The following TTLL11 variants were observed in gnomAD, a reference collection of about 807,000 sequenced individuals.
TTLL11 encodes tubulin polyglutamylase TTLL11.
In TTLL11, 42 loss-of-function variants were observed where a neutral mutation model predicts 51.7. The ratio of observed to expected loss-of-function variants is 0.81; its 90% CI spans 0.64 to 1.05. The LOEUF (loss-of-function observed/expected upper bound fraction) is 1.05. Among genes scored for constraint, TTLL11 ranks in the 50% least tolerant of loss-of-function variants. The pLI is 0.00. For synonymous variants in TTLL11, 381 were observed against 383.5 expected (o/e 0.99, Z 0.08); for missense variants, 799 against 940.4 (o/e 0.85, Z 1.97).
intron 6 of TTLL11, among the ~76,000 whole-genome samples, chr9:121,896,846 C>T (rs556201429): frequency 1.3e-5 from 2 of 152,274 alleles, no homozygotes; most frequent in Admixed American, 6.5e-5. Flanking sequence ...GGCCATCCCA[C>T]GCCAAAAGAA....
intron 6 of TTLL11, among the ~76,000 whole-genome samples, chr9:121,967,461 G>A (rs1308920581): frequency 1.3e-5 from 2 of 152,096 alleles, no homozygotes; most frequent in Non-Finnish European, 1.5e-5. Context: ...CTGACCTTGT[G>A]ATCCACCCGC....
At chr9:122,066,056 T>C (rs1845574291) in intron 1 of TTLL11, among the ~76,000 whole-genome samples, 1 of 151,912 alleles carries the variant, frequency 6.6e-6, no homozygotes, top group African/African-American at 2.4e-5. Context: ...AGGGGGAGTG[T>C]TAATGTGCTA....
chr9:122,018,703 A>C (rs141435735), intron 3 of TTLL11, among the ~76,000 whole-genome samples: 38 of 152,302 alleles, frequency 2.5e-4, no homozygotes, highest in African/African-American at 8.9e-4. Context: ...TCAGAGTCTT[A>C]TTCTGTATGC....
intron 6 of TTLL11, among the ~76,000 whole-genome samples, chr9:121,899,392 T>TATATATATATATATATATATATAC (rs1839680926): frequency 7.9e-6 from 1 of 127,228 alleles, no homozygotes. Flanking sequence ...TATATATATA[T>TATATATATATATATATATATATAC]ATATATATAT....
chr9:121,832,531 G>A (rs1014246183), intron 8 of TTLL11, among the ~76,000 whole-genome samples: 5 of 152,302 alleles, frequency 3.3e-5, no homozygotes, highest in South Asian at 2.1e-4. Context: ...CTTAGGAAGC[G>A]GGTATTGACA....
intron 6 of TTLL11, among the ~76,000 whole-genome samples, chr9:121,908,966 C>A (rs1029733761): frequency 6.6e-6 from 1 of 152,220 alleles, no homozygotes; most frequent in African/African-American, 2.4e-5. Flanking sequence ...TCAGGGGACA[C>A]AATTCAACCC....
rs917829458 is a variant in TTLL11, at chr9:121,964,643, C to T, written c.1481+9366G>A. ...GCCATAAACCTCCGGCTTTGGGTTT[C>T]CATCTAGCTCCCACCTTCCTCTCTC... On this transcript the variant is annotated intron_variant, in intron 6 of 8. Transcript: ENST00000321582. Among the ~76,000 whole-genome samples, 33 of 152,222 alleles carry T rather than the reference C, an allele frequency of 2.2e-4. No individual in the cohort carries two copies. The Middle Eastern group carries it at 0.014, about 63-fold the overall frequency.
chr9:121,843,228 A>T (rs1161850154), intron 8 of TTLL11, among the ~76,000 whole-genome samples: 1 of 152,154 alleles, frequency 6.6e-6, no homozygotes, highest in Admixed American at 6.5e-5. Flanking sequence ...AATAAAAAAA[A>T]GCTGAACAAA....
intron 6 of TTLL11, among the ~76,000 whole-genome samples, chr9:121,932,875 A>G (rs925555210): frequency 1.4e-4 from 22 of 152,216 alleles, no homozygotes; most frequent in Admixed American, 5.2e-4. Flanking sequence ...TACAAGAGAC[A>G]GGAAAATCTG....
intron 6 of TTLL11, among the ~76,000 whole-genome samples, chr9:121,967,795 G>C (rs1041399704): frequency 3.9e-5 from 6 of 152,146 alleles, no homozygotes; most frequent in African/African-American, 1.4e-4. Context: ...CCATCTCTTG[G>C]AATATTATTC....
chr9:121,885,780 C>G (rs10481689), intron 6 of TTLL11, among the ~76,000 whole-genome samples: 71,802 of 151,922 alleles, frequency 0.47, 17,109 homozygotes, highest in Middle Eastern at 0.58. Flanking sequence ...ACAAGCTGGA[C>G]TGCAATGGTG....
At chr9:121,872,367 G>A (rs1012988177) in intron 6 of TTLL11, among the ~76,000 whole-genome samples, 3 of 152,158 alleles carry the variant, frequency 2.0e-5, no homozygotes, top group African/African-American at 7.2e-5. Flanking sequence ...TGGTTTACAT[G>A]CCAGTCTCTC....
intron 8 of TTLL11, among the ~76,000 whole-genome samples, chr9:121,827,396 C>T (rs894900431): frequency 1.2e-4 from 19 of 152,204 alleles, no homozygotes; most frequent in Admixed American, 4.6e-4. Context: ...AGGGTGGGGA[C>T]GGGAAGTACC....
chr9:122,073,873 A>G (rs911920368), intron 1 of TTLL11, among the ~76,000 whole-genome samples: 6 of 152,176 alleles, frequency 3.9e-5, no homozygotes, highest in African/African-American at 1.4e-4. Context: ...ACATACTTCC[A>G]ATAGGGCTCT....
At chr9:121,841,138 T>A (rs894976363) in intron 8 of TTLL11, among the ~76,000 whole-genome samples, 10 of 151,954 alleles carry the variant, frequency 6.6e-5, no homozygotes, top group African/African-American at 2.4e-4. Flanking sequence ...CAGGGAGGGA[T>A]GTTACAGGAA....
intron 1 of TTLL11, among the ~76,000 whole-genome samples, chr9:122,071,536 AGGAGGGT>A (rs1242916315): frequency 1.3e-5 from 2 of 152,252 alleles, no homozygotes. Context: ...AGCAGAAAGG[AGGAGGGT>A]GGTCCCTAGA....
intron 6 of TTLL11, among the ~76,000 whole-genome samples, chr9:121,886,105 C>A (rs956077310): frequency 6.6e-6 from 1 of 152,184 alleles, no homozygotes; most frequent in African/African-American, 2.4e-5. Flanking sequence ...CCTTGCAGCA[C>A]CTGATGAGTG....
In TTLL11 at chr9:122,036,419, TATGTCTAATCTGAC is replaced by T. The variant is rs371419636; in HGVS notation, c.559+2839_559+2852del. On this transcript the variant is annotated intron_variant, in intron 2 of 8. Coordinates refer to ENST00000321582, the MANE Select transcript of TTLL11 (RefSeq NM_001139442.2). ...TGGACTTTCTTAAAGCTAAATCTGA[TATGTCTAATCTGAC>T]ATGTCTGATTTAGATACGTCTAAAG... Among the ~76,000 whole-genome samples the T allele has an allele frequency of 3.1e-3, 467 of 151,978 alleles. 4 individuals are homozygous for T. Among genetic ancestry groups the T allele is most frequent in the African/African-American group, 0.011 (450 of 41,520 alleles).
intron 1 of TTLL11, among the ~76,000 whole-genome samples, chr9:122,090,372 T>A (rs547357872): frequency 6.6e-6 from 1 of 152,184 alleles, no homozygotes; most frequent in African/African-American, 2.4e-5. Flanking sequence ...CATGATCTGA[T>A]CCCTGCTCAT....
Sources: gnomAD v4.1 joint callset for allele counts (sites outside exome capture counted in the v4.1 genomes callset) on GRCh38, gnomAD v4.1.1 for gene constraint, MANE v1.5 for transcripts, NCBI Gene and HGNC (gene_info 2026-07-23, HGNC 2026-07-21) for gene names.